Variants in ZNF334 observed in about 807,000 individuals in gnomAD.
The protein encoded by ZNF334 is zinc finger protein 334.
A neutral mutation model predicts 12.4 loss-of-function variants in ZNF334; 14 were observed. That is an observed-to-expected ratio of 1.13 (90% CI 0.74 to 1.76). ZNF334 has a LOEUF of 1.76. ZNF334 is among the 40% of genes most tolerant of loss of function. The pLI, the probability that ZNF334 is intolerant of heterozygous loss-of-function variation, is 0.00. For missense variants in ZNF334, 797 were observed against 804.5 expected (o/e 0.99, Z 0.11); for synonymous variants, 273 against 269.6 (o/e 1.01, Z -0.12).
chr20:46,493,678 A>T, the ZNF334 span, among the ~76,000 whole-genome samples: 1 of 152,380 alleles, frequency 6.6e-6, no homozygotes, highest in East Asian at 1.9e-4. Context: ...GAGACTCTTT[A>T]CAAAAGTGTG....
the ZNF334 span, among the ~76,000 whole-genome samples, chr20:46,463,307 A>C: frequency 5.9e-5 from 9 of 152,210 alleles, no homozygotes. Context: ...CACATTCACA[A>C]CTGGTTCTGG....
chr20:46,502,829 C>T lies in ZNF334; in HGVS notation c.510G>A (p.Lys170=), dbSNP rs922945587. The change falls in exon 5 of 5, where the codon AAG becomes AAA. Residue 170 remains lysine, a synonymous_variant. Coordinates refer to ENST00000692313, the MANE Select transcript of ZNF334 (RefSeq NM_001353824.2). ...KIPDGYSGFG[K]HEKSHLGMKK... ...TCATTCCCAAATGACTTTTCTCATG[C>T]TTCCCAAATCCACTGTATCCATCAG... The T allele has an allele frequency of 3.7e-6, 6 of 1,613,828 alleles. No homozygotes were observed. The African/African-American group carries it at 5.3e-5, about 14-fold the overall frequency.
chr20:46,463,314 C>G, the ZNF334 span, among the ~76,000 whole-genome samples: 1 of 152,188 alleles, frequency 6.6e-6, no homozygotes, highest in Non-Finnish European at 1.5e-5. Context: ...ACAACTGGTT[C>G]TGGTTACCCA....
the ZNF334 span, among the ~76,000 whole-genome samples, chr20:46,468,665 G>A: frequency 1.3e-5 from 2 of 152,176 alleles, no homozygotes; most frequent in Non-Finnish European, 2.9e-5. Flanking sequence ...TCTCCAGGTT[G>A]TCAGGCTGTT....
chr20:46,507,455 T>C (rs1166149430), intron 2 of ZNF334, among the ~76,000 whole-genome samples: 2 of 152,214 alleles, frequency 1.3e-5, no homozygotes, highest in African/African-American at 4.8e-5. Context: ...TAAGCAGAAT[T>C]TGAATACGAT....
the ZNF334 span, chr20:46,463,772 T>C: frequency 4.0e-6 from 1 of 252,712 alleles, no homozygotes; most frequent in Non-Finnish European, 8.2e-6. Flanking sequence ...GTAAAAATTA[T>C]TAAGACAGCA....
At chr20:46,504,470 A>T (rs2061362467) in intron 3 of ZNF334, 144 bp downstream of exon 3, 1 of 1,196,114 alleles carries the variant, frequency 8.4e-7, no homozygotes, top group Middle Eastern at 2.0e-4. Context: ...CAGTGAATAC[A>T]TACACAAACT....
chr20:46,505,739 C>A (rs2061408081), intron 2 of ZNF334: 1 of 153,692 alleles, frequency 6.5e-6, no homozygotes, highest in Non-Finnish European at 1.5e-5. Context: ...AACAGCTGTG[C>A]CAAGGAAATC....
rs772356024 is a variant in ZNF334 at position 46,501,973 on chromosome 20, T to C, written c.1366A>G (p.Arg456Gly). 1.3e-5 allele frequency: 21 copies of C among 1,614,046 alleles called. No homozygotes were observed. Among genetic ancestry groups the C allele is most frequent in the Non-Finnish European group, 1.7e-5 (20 of 1,180,042 alleles). Residue 456 changes from arginine (R) to glycine (G), a missense_variant, in exon 5 of 5, where the codon AGA becomes GGA. Physicochemically the swap from Arg to Gly is moderately radical, Grantham distance 125. Coordinates refer to ENST00000692313, the MANE Select transcript of ZNF334 (RefSeq NM_001353824.2). ...SALIAHQITH[R>G]GKKSYECNEC... ...TTACATTCATAAGACTTCTTTCCTC[T>C]ATGAGTTATCTGATGTGCAATGAGG... is the stretch of plus-strand genomic sequence containing the variant.
intron 2 of ZNF334, among the ~76,000 whole-genome samples, chr20:46,510,100 G>A (rs1285624878): frequency 6.6e-6 from 1 of 152,126 alleles, no homozygotes; most frequent in Non-Finnish European, 1.5e-5. Flanking sequence ...GGCAGGAAAC[G>A]GTCATGACAT....
rs749802876 is a variant in ZNF334, at chr20:46,501,935, T to C, written c.1404A>G (p.Lys468=). Reference sequence around the variant, plus strand: ...TGAGTGTTGACTTATGGCAGAAAAATTTCCCACATTCATTACATTCATAAG... The same window carrying C: ...TGAGTGTTGACTTATGGCAGAAAAACTTCCCACATTCATTACATTCATAAG... ...KKSYECNECG[K]FFCHKSTLTI... Residue 468 remains lysine (K), a synonymous_variant, in exon 5 of 5, where the codon AAA becomes AAG. Coordinates refer to ENST00000692313, the MANE Select transcript of ZNF334 (RefSeq NM_001353824.2). 6 of 1,613,938 alleles carry C rather than the reference T, an allele frequency of 3.7e-6. No homozygotes were observed. The African/African-American group carries it at 4.0e-5, about 11-fold the overall frequency.
intron 4 of ZNF334, 135 bp from the exon 5 acceptor site, chr20:46,503,232 T>G: frequency 9.5e-7 from 1 of 1,048,058 alleles, no homozygotes; most frequent in Non-Finnish European, 1.3e-6. Flanking sequence ...AAATTTCAAG[T>G]GCAAATATCT....
the ZNF334 span, among the ~76,000 whole-genome samples, chr20:46,488,804 G>GGTTTTTTT: frequency 9.6e-6 from 1 of 104,124 alleles, no homozygotes; most frequent in African/African-American, 4.0e-5. Flanking sequence ...CTAGTTAATA[G>GGTTTTTTT]TTTTTTTTTT....
chr20:46,500,499 G>A lies in ZNF334; in HGVS notation c.*797C>T, dbSNP rs2061118133. 6.6e-6 allele frequency: 1 copy of A among 152,220 alleles called. No individual in the cohort carries two copies. Among genetic ancestry groups the A allele is most frequent in the African/African-American group, 2.4e-5 (1 of 41,454 alleles). 9.4% of individuals were successfully genotyped at this position (152,220 alleles called of 1,614,324 possible). The stretch of plus-strand genomic sequence containing the variant: ...ATAAACCACTGGTAGATGGGGTTGA[G>A]TGGATATTACAGAATACTAAAACCA... On this transcript the variant is annotated 3_prime_UTR_variant, in exon 5 of 5. Coordinates refer to ENST00000692313, the MANE Select transcript of ZNF334 (RefSeq NM_001353824.2).
chr20:46,479,626 T>C, the ZNF334 span, among the ~76,000 whole-genome samples: 2 of 152,226 alleles, frequency 1.3e-5, no homozygotes, highest in African/African-American at 4.8e-5. Flanking sequence ...TACATTTCTC[T>C]GACACTTTGA....
At position 46,502,585 on chromosome 20, in the gene ZNF334, G is replaced by C. The variant is rs1487385152; in HGVS notation, c.754C>G (p.Leu252Val). 6.2e-7 allele frequency: 1 copy of C among 1,613,698 alleles called. No individual in the cohort carries two copies. Among genetic ancestry groups the C allele is most frequent in the Non-Finnish European group, 8.5e-7 (1 of 1,180,010 alleles). The change falls in exon 5 of 5, where the codon CTC becomes GTC. Residue 252 changes from leucine to valine, a missense_variant. By Grantham distance (32) the Leu-to-Val change is conservative. Coordinates refer to ENST00000692313, the MANE Select transcript of ZNF334 (RefSeq NM_001353824.2). ...CRKTFSKRST[L>V]IVHQRIHTGE... ...GTATGAATTCTCTGATGTACAATGA[G>C]GGTAGATCTCTTAGAAAAGGTTTTC... is the stretch of plus-strand genomic sequence containing the variant.
intron 2 of ZNF334, 26 bp downstream of exon 2, chr20:46,512,056 G>A: frequency 8.1e-6 from 13 of 1,611,540 alleles, no homozygotes; most frequent in South Asian, 1.1e-5. Context: ...TGTATAATGT[G>A]AGAAGTAAAT....
chr20:46,472,704 A>G, the ZNF334 span, among the ~76,000 whole-genome samples: 4 of 152,346 alleles, frequency 2.6e-5, no homozygotes, highest in Non-Finnish European at 5.9e-5. Flanking sequence ...CATAAGGAAG[A>G]GTGAAGATTT....
the ZNF334 span, among the ~76,000 whole-genome samples, chr20:46,486,942 C>T: frequency 6.6e-6 from 1 of 151,996 alleles, no homozygotes; most frequent in Non-Finnish European, 1.5e-5. Context: ...TTTTGAATTG[C>T]TTCTTCATGT....
Sources: gnomAD v4.1 joint callset for allele counts (sites outside exome capture counted in the v4.1 genomes callset) on GRCh38, gnomAD v4.1.1 for gene constraint, MANE v1.5 for transcripts, NCBI Gene and HGNC (gene_info 2026-07-23, HGNC 2026-07-21) for gene names.